Variants in TRAPPC9 observed in about 807,000 individuals in gnomAD.
TRAPPC9 encodes trafficking protein particle complex subunit 9.
A neutral mutation model predicts 124.0 loss-of-function variants in TRAPPC9; 83 were observed. The ratio of observed to expected loss-of-function variants is 0.67; its 90% CI spans 0.56 to 0.80. TRAPPC9 has a LOEUF of 0.80. Ranked by LOEUF, TRAPPC9 falls within the 30% of genes least tolerant of loss-of-function variation. The pLI is 0.00. For synonymous variants in TRAPPC9, 638 were observed against 617.5 expected, an observed-to-expected ratio of 1.03 and a Z score of -0.49; for missense variants, 1,302 against 1,508.3, an observed-to-expected ratio of 0.86 and a Z score of 2.27.
chr8:140,268,264 C>T (rs981205730), intron 15 of TRAPPC9, among the ~76,000 whole-genome samples: 2 of 115,974 alleles, frequency 1.7e-5, no homozygotes, highest in African/African-American at 3.7e-5. Flanking sequence ...GTCTCTGCTC[C>T]GCCTCCCTCA....
At chr8:140,350,224 A>G (rs1247893471) in intron 9 of TRAPPC9, among the ~76,000 whole-genome samples, 1 of 151,778 alleles carries the variant, frequency 6.6e-6, no homozygotes, top group Non-Finnish European at 1.5e-5. Context: ...TTCTTTCAAA[A>G]TAATTGCAGT....
chr8:140,188,295 C>T (rs756851523), intron 17 of TRAPPC9, among the ~76,000 whole-genome samples: 19 of 152,188 alleles, frequency 1.2e-4, no homozygotes, highest in Non-Finnish European at 2.1e-4. Context: ...ATAAAATCAA[C>T]GCACAAACAC....
chr8:139,764,695 T>C (rs1327695169), intron 21 of TRAPPC9, among the ~76,000 whole-genome samples: 5 of 152,084 alleles, frequency 3.3e-5, no homozygotes, highest in Admixed American at 6.5e-5. Flanking sequence ...GTTGGAGGCG[T>C]CCCTGTCCTG....
At chr8:139,846,252 G>A (rs939445349) in intron 21 of TRAPPC9, among the ~76,000 whole-genome samples, 5 of 152,214 alleles carry the variant, frequency 3.3e-5, no homozygotes, top group Admixed American at 2.6e-4. Flanking sequence ...CACTGAACCC[G>A]ATGATCAATC....
chr8:139,904,590 C>G (rs1229548619), intron 20 of TRAPPC9: 1 of 152,272 alleles, frequency 6.6e-6, no homozygotes, highest in Non-Finnish European at 1.5e-5. Flanking sequence ...TTTTGGGATC[C>G]TGACTATGCC....
intron 15 of TRAPPC9, among the ~76,000 whole-genome samples, chr8:140,270,096 T>A (rs2064830200): frequency 1.3e-5 from 2 of 149,714 alleles, no homozygotes; most frequent in African/African-American, 2.5e-5. Flanking sequence ...CGAGACTCCA[T>A]CTCAAAAAAA....
At chr8:140,150,208 G>A (rs558380187) in intron 17 of TRAPPC9, among the ~76,000 whole-genome samples, 244 of 152,350 alleles carry the variant, frequency 1.6e-3, no homozygotes, top group African/African-American at 5.5e-3. Flanking sequence ...ACCACTTTGG[G>A]AGGCTGAGGC....
intron 2 of TRAPPC9, among the ~76,000 whole-genome samples, chr8:140,444,585 G>A (rs543617623): frequency 6.6e-6 from 1 of 152,232 alleles, no homozygotes; most frequent in East Asian, 1.9e-4. Context: ...CCCCAGTCAG[G>A]AGCAGTGGCT....
intron 1 of TRAPPC9, among the ~76,000 whole-genome samples, chr8:140,453,167 C>T: frequency 6.6e-6 from 1 of 152,238 alleles, no homozygotes; most frequent in Middle Eastern, 3.4e-3. Flanking sequence ...CCTCGATACA[C>T]ACCTCCACTG....
intron 4 of TRAPPC9, among the ~76,000 whole-genome samples, chr8:140,428,933 A>G (rs1381002203): frequency 6.6e-6 from 1 of 151,978 alleles, no homozygotes; most frequent in Non-Finnish European, 1.5e-5. Context: ...TCTCTGTCCC[A>G]CCCTTTCCAC....
intron 19 of TRAPPC9, among the ~76,000 whole-genome samples, chr8:139,962,933 C>T (rs1022863776): frequency 3.3e-5 from 5 of 152,146 alleles, no homozygotes; most frequent in African/African-American, 1.2e-4. Flanking sequence ...GAACAGATTC[C>T]CCCCAGGCCT....
chr8:140,194,739 G>C (rs960012744), intron 17 of TRAPPC9, among the ~76,000 whole-genome samples: 4 of 152,140 alleles, frequency 2.6e-5, no homozygotes, highest in Admixed American at 2.6e-4. Flanking sequence ...ATGAGCATTT[G>C]TATGCCTACA....
intron 21 of TRAPPC9, among the ~76,000 whole-genome samples, chr8:139,852,381 TA>T (rs1827537883): frequency 6.6e-6 from 1 of 152,198 alleles, no homozygotes; most frequent in African/African-American, 2.4e-5. Flanking sequence ...TTATTTCTGG[TA>T]CCGGATCATG....
chr8:139,885,840 C>T (rs1829972725), intron 21 of TRAPPC9, 39 bp downstream of exon 21: 1 of 1,539,674 alleles, frequency 6.5e-7, no homozygotes, highest in Non-Finnish European at 8.8e-7. Flanking sequence ...AAAAGGAGCA[C>T]ATCCACCCAG....
At chr8:140,396,024 T>G (rs1204482435) in intron 7 of TRAPPC9, among the ~76,000 whole-genome samples, 1 of 152,120 alleles carries the variant, frequency 6.6e-6, no homozygotes, top group Admixed American at 6.5e-5. Flanking sequence ...TTGGGGAAGC[T>G]GTCAGCACTG....
chr8:140,276,726 T>C (rs58612371), intron 14 of TRAPPC9, among the ~76,000 whole-genome samples: 6,246 of 152,092 alleles, frequency 0.041, 231 homozygotes, highest in African/African-American at 0.1. Flanking sequence ...TAGAGGCATG[T>C]GACAGGTGAG....
chr8:139,890,917 G>A (rs1234798650), intron 20 of TRAPPC9, among the ~76,000 whole-genome samples: 2 of 149,320 alleles, frequency 1.3e-5, no homozygotes, highest in Admixed American at 6.7e-5. Context: ...CCTGGGGACT[G>A]GCTCTCAAGA....
intron 21 of TRAPPC9, among the ~76,000 whole-genome samples, chr8:139,800,253 G>A (rs1823390293): frequency 6.6e-6 from 1 of 152,232 alleles, no homozygotes; most frequent in South Asian, 2.1e-4. Context: ...CCTATGCCAG[G>A]ACAGCATTCT....
intron 20 of TRAPPC9, among the ~76,000 whole-genome samples, chr8:139,898,298 G>C (rs956239151): frequency 2.6e-5 from 4 of 152,212 alleles, no homozygotes; most frequent in African/African-American, 9.6e-5. Context: ...TTGTGGCCAT[G>C]ACCGATTTCC....
Sources: allele counts gnomAD v4.1 joint callset (sites outside exome capture counted in the v4.1 genomes callset), GRCh38; gene constraint gnomAD v4.1.1; transcripts MANE v1.5; gene names NCBI Gene and HGNC (gene_info 2026-07-23, HGNC 2026-07-21).